Variants in CDH23 observed in about 807,000 individuals in gnomAD.
CDH23 encodes the protein cadherin related 23, also known as cadherin-23.
In CDH23, 189 loss-of-function variants were observed where a neutral mutation model predicts 317.1. The ratio of observed to expected loss-of-function variants is 0.60; its 90% CI spans 0.53 to 0.67. The LOEUF is 0.67. Among genes scored for constraint, CDH23 ranks in the 30% least tolerant of loss-of-function variants. The pLI, the probability that CDH23 is intolerant of heterozygous loss-of-function variation, is 0.00. For missense variants in CDH23, 4,401 were observed against 4,592.4 expected, an observed-to-expected ratio of 0.96 and a Z score of 1.20; for synonymous variants, 1,839 against 1,876.8, an observed-to-expected ratio of 0.98 and a Z score of 0.52.
intron 48 of CDH23, 131 bp from the exon 49 acceptor site, chr10:71,796,973 A>T: frequency 1.6e-6 from 1 of 640,038 alleles, no homozygotes; most frequent in Non-Finnish European, 2.8e-6. Context: ...CACCCCAGCC[A>T]CAAGTCCCAG....
At chr10:71,773,329 TC>T in intron 38 of CDH23, 1 of 1,582,060 alleles carries the variant, frequency 6.3e-7, no homozygotes, top group Non-Finnish European at 8.6e-7. Context: ...CCCAGCTTTT[TC>T]CCAGCGCCCC....
At chr10:71,708,075 C>T (rs925555421) in intron 26 of CDH23, among the ~76,000 whole-genome samples, 3 of 152,180 alleles carry the variant, frequency 2.0e-5, no homozygotes, top group African/African-American at 7.2e-5. Context: ...GCACCAGCTC[C>T]GTGGCTCCAC....
intron 6 of CDH23, 111 bp from the exon 7 acceptor site, chr10:71,566,631 C>A: frequency 1.1e-6 from 1 of 939,668 alleles, no homozygotes; most frequent in Non-Finnish European, 1.5e-6. Flanking sequence ...GACAAGGCCT[C>A]GGGTCTGGTT....
At chr10:71,600,018 G>A (rs75515748) in intron 9 of CDH23, among the ~76,000 whole-genome samples, 43 of 82,006 alleles carry the variant, frequency 5.2e-4, no homozygotes, top group African/African-American at 2.0e-3. Context: ...TTTTTTTTTG[G>A]TGAGACAGAG....
intron 31 of CDH23, 50 bp downstream of exon 31, chr10:71,730,654 C>A: frequency 6.2e-7 from 1 of 1,605,744 alleles, no homozygotes; most frequent in Non-Finnish European, 8.5e-7. Flanking sequence ...GAGCAAACCT[C>A]CCCAGCTCAC....
chr10:71,543,232 G>A (rs963990775), intron 6 of CDH23, among the ~76,000 whole-genome samples: 1 of 152,182 alleles, frequency 6.6e-6, no homozygotes, highest in Non-Finnish European at 1.5e-5. Flanking sequence ...TCTGGAGCAG[G>A]GCTTTCACTT....
At position 71,452,321 on chromosome 10, in the gene CDH23, G is replaced by T. The variant is rs1483403543; in HGVS notation, c.145+5926G>T. Reference sequence around the variant, plus strand: ...ACCCCATGCCCTGGAGGGGGGCAGGGTTCCTGCCACAGTGGTAACCGCCCG... The same window carrying T: ...ACCCCATGCCCTGGAGGGGGGCAGGTTTCCTGCCACAGTGGTAACCGCCCG... On this transcript the variant is annotated intron_variant, in intron 3 of 69. Transcript: ENST00000224721. Among the ~76,000 whole-genome samples, 10 of 152,266 alleles carry T rather than the reference G, an allele frequency of 6.6e-5. No individual in the cohort carries two copies. In the South Asian group the frequency reaches 8.3e-4, roughly 13 times the overall value.
At chr10:71,458,510 A>G (rs554603447) in intron 3 of CDH23, among the ~76,000 whole-genome samples, 1 of 152,372 alleles carries the variant, frequency 6.6e-6, no homozygotes, top group East Asian at 1.9e-4. Context: ...TAGGGAGCTA[A>G]TGAAAGAGCT....
At chr10:71,803,473 T>C in intron 55 of CDH23, 53 bp downstream of exon 55, 1 of 1,489,592 alleles carries the variant, frequency 6.7e-7, no homozygotes, top group Non-Finnish European at 9.2e-7. Flanking sequence ...CTTCCAGCTG[T>C]GGCCTAGAAG....
At chr10:71,563,729 CT>C (rs568586770) in intron 6 of CDH23, among the ~76,000 whole-genome samples, 110 of 150,006 alleles carry the variant, frequency 7.3e-4, no homozygotes, top group Middle Eastern at 3.5e-3. Context: ...TCTTATAATA[CT>C]TTTTTTTTCT....
chr10:71,767,421 A>G (rs151047987), intron 38 of CDH23, among the ~76,000 whole-genome samples: 2 of 152,360 alleles, frequency 1.3e-5, no homozygotes, highest in African/African-American at 4.8e-5. Context: ...GAGGTTGTCA[A>G]GTAAACAGTT....
chr10:71,479,579 T>C (rs1340334728), intron 3 of CDH23, among the ~76,000 whole-genome samples: 1 of 152,186 alleles, frequency 6.6e-6, no homozygotes, highest in African/African-American at 2.4e-5. Context: ...TAGGGAGCCA[T>C]TCCTTTGGGT....
intron 48 of CDH23, 78 bp downstream of exon 48, chr10:71,793,718 C>A: frequency 9.2e-7 from 1 of 1,091,064 alleles, no homozygotes; most frequent in Non-Finnish European, 1.3e-6. Flanking sequence ...CCCCTTCTTT[C>A]TCCTTTCTCT....
At chr10:71,644,856 T>C (rs1862751682) in intron 12 of CDH23, among the ~76,000 whole-genome samples, 1 of 152,208 alleles carries the variant, frequency 6.6e-6, no homozygotes, top group Non-Finnish European at 1.5e-5. Context: ...AGGAGGCTCT[T>C]ACACATCACA....
rs569505726 is a variant in CDH23, at chr10:71,628,236, G to A, written c.1134+10843G>A. Among the ~76,000 whole-genome samples the A allele has an allele frequency of 1.1e-4, 16 of 152,354 alleles. No individual in the cohort carries two copies. The South Asian group carries it at 2.7e-3, about 26-fold the overall frequency. On this transcript the variant is annotated intron_variant, in intron 11 of 69. Transcript: ENST00000224721. ...AGCTGTGGCAACAGTGGGCCACCAG[G>A]AACGCAGAAGCCTCCTTCCCAGCCC...
chr10:71,740,721 C>G, intron 36 of CDH23, 101 bp from the exon 37 acceptor site: 3 of 1,520,542 alleles, frequency 2.0e-6, no homozygotes, highest in Non-Finnish European at 2.7e-6. Flanking sequence ...TCTTTGCCCT[C>G]CCAAATGCTC....
chr10:71,555,284 T>C (rs1856817813), intron 6 of CDH23, among the ~76,000 whole-genome samples: 1 of 152,154 alleles, frequency 6.6e-6, no homozygotes, highest in Admixed American at 6.5e-5. Context: ...TCCTGGGCGC[T>C]GGGGCCAGGG....
At position 71,774,707 on chromosome 10, in the gene CDH23, C is replaced by T. The variant is rs145795199; in HGVS notation, c.4846-2973C>T. Among the ~76,000 whole-genome samples the T allele has an allele frequency of 1.3e-3, 198 of 152,314 alleles. No individual in the cohort carries two copies. In the South Asian group the frequency reaches 0.018, roughly 14 times the overall value. ...GGATCACAGGAGTGGAAGAGCACAG[C>T]CATTTTACTCAGTTTACCCCAGTCT... On this transcript the variant is annotated intron_variant, in intron 38 of 69. Coordinates refer to ENST00000224721, the MANE Select transcript of CDH23 (RefSeq NM_022124.6).
At chr10:71,468,562 T>C (rs1212600479) in intron 3 of CDH23, among the ~76,000 whole-genome samples, 1 of 152,230 alleles carries the variant, frequency 6.6e-6, no homozygotes, top group Non-Finnish European at 1.5e-5. Flanking sequence ...CCAGACAGCA[T>C]GGCCAGGCTG....
Sources: allele counts gnomAD v4.1 joint callset (sites outside exome capture counted in the v4.1 genomes callset), GRCh38; gene constraint gnomAD v4.1.1; transcripts MANE v1.5; gene names NCBI Gene and HGNC (gene_info 2026-07-23, HGNC 2026-07-21).